PARP10: variants seen among roughly 807,000 people sequenced by gnomAD.
The protein encoded by PARP10 is protein mono-ADP-ribosyltransferase PARP10.
A neutral mutation model predicts 82.4 loss-of-function variants in PARP10; 56 were observed. The ratio of observed to expected loss-of-function variants is 0.68; its 90% CI spans 0.55 to 0.85. The LOEUF (loss-of-function observed/expected upper bound fraction) is 0.85, where lower values mean the gene tolerates loss of function less well. Among genes scored for constraint, PARP10 ranks in the 40% least tolerant of loss-of-function variants. The pLI is 0.00. For synonymous variants in PARP10, 576 were observed against 601.1 expected, an observed-to-expected ratio of 0.96 and a Z score of 0.61; for missense variants, 1,227 against 1,379.4, an observed-to-expected ratio of 0.89 and a Z score of 1.75.
At chr8:144,010,942 A>G (rs1403150688) in intron 1 of PARP10, among the ~76,000 whole-genome samples, 1 of 152,112 alleles carries the variant, frequency 6.6e-6, no homozygotes, top group Non-Finnish European at 1.5e-5. Context: ...ATTTTTAAAA[A>G]GTTGTTCAAC....
chr8:144,009,428 G>A (rs1834257309), intron 1 of PARP10, among the ~76,000 whole-genome samples: 1 of 152,140 alleles, frequency 6.6e-6, no homozygotes, highest in Non-Finnish European at 1.5e-5. Flanking sequence ...GTCGCTGTGG[G>A]CACTTCTGCT....
In PARP10 at chr8:143,984,332, T is replaced by C. The variant is rs782235144; in HGVS notation, c.1558A>G (p.Ser520Gly). The change falls in exon 6 of 11, where the codon AGC (serine) becomes GGC (glycine). Residue 520 changes from serine to glycine, a missense_variant. Coordinates refer to ENST00000313028, the MANE Select transcript of PARP10 (RefSeq NM_032789.5). ...CHVLCLEHPG[S>G]ARFLLGPEGQ... is the part of the protein sequence containing the mutation. ...TCTGGGCCCAGGAGAAACCTGGCGC[T>C]GCCCGGGTGCTCCAGGCACAACACA... 2.5e-6 allele frequency: 4 copies of C among 1,613,868 alleles called. No individual in the cohort carries two copies. Among genetic ancestry groups the C allele is most frequent in the Non-Finnish European group, 3.4e-6 (4 of 1,179,988 alleles).
chr8:143,977,575 G>A lies in PARP10; in HGVS notation c.2987C>T (p.Ala996Val). The A allele has an allele frequency of 6.3e-7, 1 of 1,575,538 alleles. No homozygotes were observed. The highest frequency in any genetic ancestry group is 8.6e-7 in the Non-Finnish European group (1 of 1,161,044). ...GCAGGTGATGAGGTGGGTGGGCAGC[G>A]CCTGGGTGTCGTGGAAGATGACGAA... is the stretch of plus-strand genomic sequence containing the variant. ...SIFVIFHDTQ[A>V]LPTHLITCEH... is the part of the protein sequence containing the mutation. Residue 996 changes from alanine (A) to valine (V), a missense_variant, in exon 11 of 11, where the codon GCG becomes GTG. Transcript: ENST00000313028.
upstream of PARP10, among the ~76,000 whole-genome samples, chr8:143,994,860 A>G (rs1554751151): frequency 6.6e-6 from 1 of 152,194 alleles, no homozygotes; most frequent in African/African-American, 2.4e-5. Flanking sequence ...GAGGAGGAGA[A>G]AGAACCTGCC....
Position 143,977,962 on chromosome 8 carries a change from C to A in PARP10, c.2676G>T (p.Pro892=). ...CGTGGGCGCAGATGTCAGGCACTGCCGGTGCCGTCGTGCCGTGGTACAGCA... is the reference window on the plus strand; with the variant it reads ...CGTGGGCGCAGATGTCAGGCACTGCAGGTGCCGTCGTGCCGTGGTACAGCA... ...EQVLYHGTTA[P]AVPDICAHGF... Residue 892 remains proline, a synonymous_variant, in exon 10 of 11, where the codon CCG becomes CCT. Coordinates refer to ENST00000313028, the MANE Select transcript of PARP10 (RefSeq NM_032789.5). The A allele has an allele frequency of 6.3e-7, 1 of 1,599,700 alleles. No individual in the cohort carries two copies. Among genetic ancestry groups the A allele is most frequent in the Non-Finnish European group, 8.5e-7 (1 of 1,179,246 alleles).
chr8:144,006,800 C>T lies in PARP10; in HGVS notation c.-80+5730G>A, dbSNP rs982954538. On this transcript the variant is annotated intron_variant, in intron 1 of 3. Transcript: ENST00000530478. ...CATCTGCGCACCAGGAAAGGGTCCT[C>T]ACCAGACACCAGGTCTGCAGGCACC... is the stretch of plus-strand genomic sequence containing the variant. Among the ~76,000 whole-genome samples, 44 of 152,228 alleles carry T rather than the reference C, an allele frequency of 2.9e-4. 1 individual carries two copies. Among genetic ancestry groups the T allele is most frequent in the African/African-American group, 8.7e-4 (36 of 41,446 alleles).
intron 1 of PARP10, among the ~76,000 whole-genome samples, chr8:144,002,480 C>A (rs1834209134): frequency 6.6e-6 from 1 of 152,168 alleles, no homozygotes; most frequent in Admixed American, 6.5e-5. Flanking sequence ...CAGGACACTT[C>A]TTCTGAAGAA....
At chr8:143,999,138 C>T (rs1834182421) in intron 1 of PARP10, among the ~76,000 whole-genome samples, 1 of 152,158 alleles carries the variant, frequency 6.6e-6, no homozygotes, top group South Asian at 2.1e-4. Context: ...ATCTCTTGGA[C>T]TCAAGATCCT....
At chr8:143,992,979 C>G, upstream of PARP10, 1 of 700,614 alleles carries the variant, frequency 1.4e-6, no homozygotes, top group Non-Finnish European at 2.4e-6. Context: ...CTCTCCAACC[C>G]TCCTGTATGT....
At chr8:143,999,185 G>T (rs572704351) in intron 1 of PARP10, among the ~76,000 whole-genome samples, 1 of 151,624 alleles carries the variant, frequency 6.6e-6, no homozygotes, top group African/African-American at 2.4e-5. Context: ...GACCACAGGC[G>T]CTCACTACCA....
intron 7 of PARP10, 40 bp downstream of exon 7, chr8:143,983,968 A>T (rs1554748470): frequency 6.7e-7 from 1 of 1,486,744 alleles, no homozygotes; most frequent in Admixed American, 2.4e-5. Context: ...AGGTCAAGTG[A>T]GGGCCACAGG....
chr8:143,990,014 AC>A (rs1312665603), upstream of PARP10: 4 of 76,586 alleles, frequency 5.2e-5, no homozygotes, highest in Admixed American at 5.7e-4. This position sits in a 1 kb window ranked among gnomAD's most constrained non-coding sequence, Gnocchi z 5.6. Flanking sequence ...TGCCCCTCCC[AC>A]CCCGAAGCTC....
In PARP10 at chr8:143,986,133, G is replaced by A. The variant is rs1409207406; in HGVS notation, c.103C>T (p.Arg35Ter). The change falls in exon 2 of 11, where the codon CGA becomes TGA. Residue 35 changes from arginine (R) to a stop codon, truncating the protein, a stop_gained. Coordinates refer to ENST00000313028, the MANE Select transcript of PARP10 (RefSeq NM_032789.5). LOFTEE classifies it high-confidence loss of function. ...ELLTLYFENR[R>*]RSGGGPVLSW... is the part of the protein sequence containing the mutation. ...AACACAGGTCCCCCTCCAGAGCGTC[G>A]GCGGTTTTCAAAGTAGAGAGTGAGC... The A allele has an allele frequency of 3.7e-6, 6 of 1,614,088 alleles. 2 individuals are homozygous for A. In the South Asian group the frequency reaches 4.4e-5, roughly 12 times the overall value.
rs1554748378 is a variant in PARP10, at chr8:143,983,697, G to A, written c.1892C>T (p.Thr631Ile). The change falls in exon 8 of 11, where the codon ACC becomes ATC. Residue 631 changes from threonine (T) to isoleucine (I), a missense_variant. Transcript: ENST00000313028. ...GPQEQPEEEVTPGHEEEEPVA... is the reference protein window; with the variant it reads ...GPQEQPEEEVIPGHEEEEPVA... ...AGGCTCCTCCTCCTCATGCCCTGGG[G>A]TCACCTCCTCCTCTGGCTGCTCCTG... The A allele has an allele frequency of 1.2e-6, 2 of 1,609,510 alleles. No homozygotes were observed. Among genetic ancestry groups the A allele is most frequent in the African/African-American group, 1.3e-5 (1 of 74,902 alleles).
Position 143,986,200 on chromosome 8 carries a change from T to C in PARP10, c.36A>G (p.Ala12=). 2.5e-6 allele frequency: 4 copies of C among 1,613,738 alleles called. No homozygotes were observed. Among genetic ancestry groups the C allele is most frequent in the Non-Finnish European group, 3.4e-6 (4 of 1,179,868 alleles). ...CAGGGGGCAGTCCACGGACCTCCAC[T>C]GCCACCCCTGCCTCTGCCTCCGCCA... ...VAMAEAEAGV[A]VEVRGLPPAV... is the part of the protein sequence containing the mutation. Residue 12 remains alanine, a synonymous_variant, in exon 2 of 11, where the codon GCA becomes GCG. Coordinates refer to ENST00000313028, the MANE Select transcript of PARP10 (RefSeq NM_032789.5).
chr8:144,010,129 A>G (rs1587478359), intron 1 of PARP10, among the ~76,000 whole-genome samples: 1 of 151,792 alleles, frequency 6.6e-6, no homozygotes, highest in Non-Finnish European at 1.5e-5. Context: ...GGTGAGGCAC[A>G]CTCCCCAACT....
chr8:143,988,298 C>T (rs370852390), upstream of PARP10, among the ~76,000 whole-genome samples: 2 of 66,612 alleles, frequency 3.0e-5, no homozygotes, highest in Non-Finnish European at 5.4e-5. Flanking sequence ...TACAGGCACG[C>T]ACCACCATGC....
intron 1 of PARP10, among the ~76,000 whole-genome samples, chr8:144,007,323 C>T (rs1008707689): frequency 2.0e-5 from 3 of 152,166 alleles, no homozygotes; most frequent in East Asian, 1.9e-4. Context: ...AGATATCCCT[C>T]CTCTTGTGGG....
chr8:144,001,105 G>A (rs1268393762), intron 1 of PARP10, among the ~76,000 whole-genome samples: 2 of 151,694 alleles, frequency 1.3e-5, no homozygotes, highest in African/African-American at 4.8e-5. Flanking sequence ...TAGTAGAGAC[G>A]AGGTTTCACC....
Sources: allele counts gnomAD v4.1 joint callset (sites outside exome capture counted in the v4.1 genomes callset), GRCh38; gene constraint gnomAD v4.1.1; non-coding constraint Gnocchi (gnomAD v3.1); transcripts MANE v1.5; gene names NCBI Gene and HGNC (gene_info 2026-07-23, HGNC 2026-07-21).